ABTB3: variants seen among roughly 807,000 people sequenced by gnomAD.
The protein encoded by ABTB3 is ankyrin repeat and BTB domain containing 3.
At chr12:107,615,034 T>C in the ABTB3 span, 8 of 1,585,726 alleles carry the variant, frequency 5.0e-6, no homozygotes, top group Middle Eastern at 1.7e-4. Flanking sequence ...AGGTCACATT[T>C]TGAAAATAAC....
chr12:107,463,257 T>G, the ABTB3 span, among the ~76,000 whole-genome samples: 1 of 151,152 alleles, frequency 6.6e-6, no homozygotes, highest in South Asian at 2.1e-4. Context: ...GTGATGATGG[T>G]GATGGTGATG....
the ABTB3 span, among the ~76,000 whole-genome samples, chr12:107,586,585 G>A: frequency 2.7e-3 from 416 of 152,232 alleles, 4 homozygotes; most frequent in African/African-American, 8.7e-3. Context: ...TGCCTCCCCC[G>A]AACTGATGTC....
At chr12:107,417,136 G>A in the ABTB3 span, among the ~76,000 whole-genome samples, 5 of 152,186 alleles carry the variant, frequency 3.3e-5, no homozygotes, top group African/African-American at 1.2e-4. Context: ...GTGTTGTGTT[G>A]AAAGGAGGTT....
the ABTB3 span, among the ~76,000 whole-genome samples, chr12:107,448,625 CTT>C: frequency 2.0e-5 from 3 of 150,598 alleles, no homozygotes; most frequent in African/African-American, 7.4e-5. Context: ...CCTGTATGTT[CTT>C]TCTTTCTTTC....
the ABTB3 span, among the ~76,000 whole-genome samples, chr12:107,576,791 C>T: frequency 6.6e-6 from 1 of 152,158 alleles, no homozygotes; most frequent in African/African-American, 2.4e-5. Context: ...CAACCTCACC[C>T]TCAGCAACTC....
At chr12:107,471,318 G>T in the ABTB3 span, among the ~76,000 whole-genome samples, 40 of 152,196 alleles carry the variant, frequency 2.6e-4, no homozygotes, top group Non-Finnish European at 5.4e-4. Flanking sequence ...AGATAAGAGA[G>T]GTCACAAGAT....
the ABTB3 span, among the ~76,000 whole-genome samples, chr12:107,418,145 A>G: frequency 4.6e-5 from 7 of 152,212 alleles, no homozygotes; most frequent in Non-Finnish European, 8.8e-5. Context: ...CCCACTCTTA[A>G]TCTGGGTGAG....
At chr12:107,451,060 G>A in the ABTB3 span, among the ~76,000 whole-genome samples, 1 of 151,960 alleles carries the variant, frequency 6.6e-6, no homozygotes, top group Non-Finnish European at 1.5e-5. Flanking sequence ...GTGCCCTTTT[G>A]CAGCACATAC....
At chr12:107,415,652 C>G in the ABTB3 span, among the ~76,000 whole-genome samples, 70 of 151,640 alleles carry the variant, frequency 4.6e-4, 1 homozygote, top group Admixed American at 3.0e-3. Context: ...AGTTTGCAGT[C>G]ATCCGAGATC....
At chr12:107,620,473 CAGTT>C in the ABTB3 span, among the ~76,000 whole-genome samples, 21,354 of 152,094 alleles carry the variant, frequency 0.14, 1,634 homozygotes, top group East Asian at 0.27. Context: ...CATTATGAAA[CAGTT>C]GGTACAACAG....
chr12:107,342,898 C>A, the ABTB3 span, among the ~76,000 whole-genome samples: 3 of 152,194 alleles, frequency 2.0e-5, no homozygotes, highest in East Asian at 1.9e-4. Flanking sequence ...ACAGCTTGGG[C>A]AATGGGTCAT....
the ABTB3 span, chr12:107,617,828 T>C: frequency 2.7e-6 from 1 of 375,740 alleles, no homozygotes. Flanking sequence ...TCATCAGCTT[T>C]TATTACACAT....
At chr12:107,481,257 G>T in the ABTB3 span, among the ~76,000 whole-genome samples, 1 of 152,296 alleles carries the variant, frequency 6.6e-6, no homozygotes, top group South Asian at 2.1e-4. Context: ...GCTTCCAGAA[G>T]AGGCTGAGGG....
chr12:107,413,260 C>A, the ABTB3 span, among the ~76,000 whole-genome samples: 5 of 151,716 alleles, frequency 3.3e-5, no homozygotes, highest in Non-Finnish European at 7.4e-5. Context: ...GGCGACAGAG[C>A]GAGACTCCGT....
At chr12:107,536,334 G>C in the ABTB3 span, among the ~76,000 whole-genome samples, 1 of 152,102 alleles carries the variant, frequency 6.6e-6, no homozygotes, top group African/African-American at 2.4e-5. Context: ...TCTAGGCAAA[G>C]ATTTTAGAGG....
the ABTB3 span, among the ~76,000 whole-genome samples, chr12:107,377,451 C>A: frequency 1.7e-5 from 2 of 120,122 alleles, no homozygotes. Context: ...GTGTGTGTGT[C>A]CCATGTATAC....
chr12:107,550,104 G>A, the ABTB3 span, among the ~76,000 whole-genome samples: 3 of 152,190 alleles, frequency 2.0e-5, no homozygotes, highest in Non-Finnish European at 4.4e-5. Flanking sequence ...ATGAATCTAA[G>A]TGTTTAGTAG....
chr12:107,407,842 T>C, the ABTB3 span, among the ~76,000 whole-genome samples: 1 of 151,916 alleles, frequency 6.6e-6, no homozygotes, highest in Non-Finnish European at 1.5e-5. Flanking sequence ...CTCTACCAGC[T>C]CTCCTAGGAT....
At chr12:107,488,883 C>G in the ABTB3 span, among the ~76,000 whole-genome samples, 1 of 151,796 alleles carries the variant, frequency 6.6e-6, no homozygotes, top group Non-Finnish European at 1.5e-5. Context: ...TGTTGAAGGC[C>G]TGAGTCAGGA....
Sources: allele counts gnomAD v4.1 joint callset (sites outside exome capture counted in the v4.1 genomes callset), GRCh38; gene constraint gnomAD v4.1.1; transcripts MANE v1.5; gene names NCBI Gene and HGNC (gene_info 2026-07-23, HGNC 2026-07-21).